Variants in HDAC9 observed in about 807,000 individuals in gnomAD.
HDAC9 encodes MEF-2 interacting transcription repressor (MITR) protein.
Under a neutral mutation model 139.4 loss-of-function variants are expected in HDAC9, and 41 were observed. The ratio of observed to expected loss-of-function variants is 0.29; its 90% confidence interval spans 0.23 to 0.38. The LOEUF is 0.38. Ranked by LOEUF, HDAC9 falls within the 10% of genes least tolerant of loss-of-function variation. The pLI is 1.00. For synonymous variants in HDAC9, 517 were observed against 476.2 expected (o/e 1.09, Z -1.12); for missense variants, 1,147 against 1,297.0 (o/e 0.88, Z 1.78).
intron 11 of HDAC9, among the ~76,000 whole-genome samples, chr7:18,654,414 G>A (rs1331946314): frequency 1.3e-5 from 2 of 152,104 alleles, no homozygotes; most frequent in African/African-American, 2.4e-5. Context: ...TTTATATGGA[G>A]GATCTACTAT....
rs1340732793 is a variant in HDAC9 at position 18,808,498 on chromosome 7, A to G, written c.2322+15046A>G. On this transcript the variant is annotated intron_variant, in intron 17 of 25. Transcript: ENST00000686413. ...TATAGGATACAAATCACATACAAAA[A>G]TCAGTGGTGTTTCAACATACTAACA... 2.0e-5 allele frequency among the ~76,000 whole-genome samples: 3 copies of G among 152,148 alleles called. No homozygotes were observed. The East Asian group carries it at 5.8e-4, about 29-fold the overall frequency.
intron 25 of HDAC9, among the ~76,000 whole-genome samples, chr7:18,987,923 T>C (rs1239989518): frequency 1.3e-5 from 2 of 151,302 alleles, no homozygotes; most frequent in African/African-American, 2.4e-5. Context: ...ATCCTCTTTA[T>C]CATTTTTTAT....
chr7:18,768,924 A>G (rs1451705581), intron 16 of HDAC9, among the ~76,000 whole-genome samples: 1 of 152,182 alleles, frequency 6.6e-6, no homozygotes, highest in Non-Finnish European at 1.5e-5. Flanking sequence ...TTTAAACTTT[A>G]TTATAAAATA....
intron 2 of HDAC9, among the ~76,000 whole-genome samples, chr7:18,527,976 C>A (rs1056296308): frequency 1.3e-5 from 2 of 151,866 alleles, no homozygotes; most frequent in Non-Finnish European, 2.9e-5. Context: ...TTAAAAAATA[C>A]ACATTTGGTA....
intron 6 of HDAC9, among the ~76,000 whole-genome samples, chr7:18,604,546 A>G (rs937568412): frequency 2.6e-5 from 4 of 151,544 alleles, no homozygotes; most frequent in African/African-American, 9.7e-5. Flanking sequence ...AGCTGGGACC[A>G]CCACCACGCC....
At chr7:18,486,974 T>A (rs537363738) in intron 1 of HDAC9, among the ~76,000 whole-genome samples, 1 of 152,208 alleles carries the variant, frequency 6.6e-6, no homozygotes, top group South Asian at 2.1e-4. Flanking sequence ...GCCAAGGAGA[T>A]CATCTTTGGA....
chr7:18,653,065 C>A (rs1182409201), intron 11 of HDAC9, among the ~76,000 whole-genome samples: 1 of 151,772 alleles, frequency 6.6e-6, no homozygotes, highest in Non-Finnish European at 1.5e-5. Flanking sequence ...GGAGAAACCC[C>A]GTCTCTACTA....
rs1374180669 is a variant in HDAC9 at position 18,463,129 on chromosome 7, CCTTAA to C, written c.-41-33128_-41-33124del. Among the ~76,000 whole-genome samples, 6 of 152,036 alleles carry C rather than the reference CCTTAA, an allele frequency of 3.9e-5. No homozygotes were observed. The East Asian group carries it at 5.8e-4, about 15-fold the overall frequency. ...TATAACTGAAATAAATTGAACTCAT[CCTTAA>C]CTTATTTCTGGATTTATTTCTTACA... On this transcript the variant is annotated intron_variant, in intron 1 of 3. Transcript: ENST00000413509.
intron 1 of HDAC9, among the ~76,000 whole-genome samples, chr7:18,112,986 G>T (rs545002691): frequency 1.2e-4 from 18 of 152,236 alleles, no homozygotes; most frequent in African/African-American, 4.1e-4. Context: ...TGATGGTACA[G>T]GCGAAGGTGG....
chr7:18,541,989 T>C (rs1439032156), intron 2 of HDAC9, among the ~76,000 whole-genome samples: 1 of 152,162 alleles, frequency 6.6e-6, no homozygotes, highest in East Asian at 1.9e-4. Context: ...GACTGGCCAG[T>C]TCTTTGTTGT....
At chr7:18,708,230 G>C (rs2129110236) in intron 12 of HDAC9, among the ~76,000 whole-genome samples, 1 of 152,168 alleles carries the variant, frequency 6.6e-6, no homozygotes, top group East Asian at 1.9e-4. Context: ...TTGCTGAGTG[G>C]GGTCAAGGGT....
chr7:18,318,663 A>G (rs886618678), intron 1 of HDAC9, among the ~76,000 whole-genome samples: 8 of 152,220 alleles, frequency 5.3e-5, no homozygotes, highest in African/African-American at 7.2e-5. Context: ...ATGATGATCA[A>G]TTCTTTTCTT....
At chr7:18,316,199 C>T (rs1799623891) in intron 1 of HDAC9, among the ~76,000 whole-genome samples, 1 of 152,036 alleles carries the variant, frequency 6.6e-6, no homozygotes, top group African/African-American at 2.4e-5. Flanking sequence ...CTAACAAGCT[C>T]TGAAATGATA....
chr7:18,905,104 T>A (rs1269142768), intron 22 of HDAC9, among the ~76,000 whole-genome samples: 1 of 150,356 alleles, frequency 6.7e-6, no homozygotes, highest in East Asian at 2.0e-4. Flanking sequence ...TTGGCCAGGT[T>A]GGTCTCAAAC....
chr7:18,946,538 T>C (rs1782416624), intron 23 of HDAC9, among the ~76,000 whole-genome samples: 1 of 152,084 alleles, frequency 6.6e-6, no homozygotes, highest in African/African-American at 2.4e-5. Context: ...AAATGGACTT[T>C]AAGGCAAGAA....
intron 22 of HDAC9, among the ~76,000 whole-genome samples, chr7:18,908,103 T>G (rs1029369169): frequency 6.6e-6 from 1 of 152,040 alleles, no homozygotes; most frequent in South Asian, 2.1e-4. Context: ...ATTTGAGACA[T>G]GAAATGTCTC....
rs566270631 is a variant in HDAC9 at position 18,308,159 on chromosome 7, T to C, written c.-42+17644T>C. Among the ~76,000 whole-genome samples, 8 of 152,344 alleles carry C rather than the reference T, an allele frequency of 5.3e-5. No individual in the cohort carries two copies. The East Asian group carries it at 1.3e-3, about 26-fold the overall frequency. Reference sequence around the variant, plus strand: ...AAGTAGCTTAAACATTTTAATAGTGTCACTGACTGATGTTGATTGTTAAAG... The same window carrying C: ...AAGTAGCTTAAACATTTTAATAGTGCCACTGACTGATGTTGATTGTTAAAG... On this transcript the variant is annotated intron_variant, in intron 1 of 3. Transcript: ENST00000413509.
At chr7:18,988,290 A>G (rs1455874159) in intron 25 of HDAC9, among the ~76,000 whole-genome samples, 1 of 151,944 alleles carries the variant, frequency 6.6e-6, no homozygotes, top group Non-Finnish European at 1.5e-5. Flanking sequence ...TTCAAAGAAC[A>G]TCTTTATTTC....
chr7:18,103,455 C>G (rs1242274406), intron 1 of HDAC9, among the ~76,000 whole-genome samples: 4 of 152,112 alleles, frequency 2.6e-5, no homozygotes, highest in Non-Finnish European at 4.4e-5. Flanking sequence ...ACATAGTACC[C>G]AATAGGAGGT....
Sources: gnomAD v4.1 joint callset for allele counts (sites outside exome capture counted in the v4.1 genomes callset) on GRCh38, gnomAD v4.1.1 for gene constraint, MANE v1.5 for transcripts, NCBI Gene and HGNC (gene_info 2026-07-23, HGNC 2026-07-21) for gene names.